KANK4: variants seen among roughly 807,000 people sequenced by gnomAD.
KANK4 encodes the protein KN motif and ankyrin repeat domains 4, also known as KN motif and ankyrin repeat domain-containing protein 4.
In KANK4, 50 loss-of-function variants were observed where a neutral mutation model predicts 80.8. That is an observed-to-expected ratio of 0.62 (90% CI 0.49 to 0.78). The LOEUF is 0.78. Among genes scored for constraint, KANK4 ranks in the 30% least tolerant of loss-of-function variants. KANK4 has a pLI of 0.00. For missense variants in KANK4, 1,196 were observed against 1,240.1 expected (o/e 0.96, Z 0.53); for synonymous variants, 465 against 506.9 (o/e 0.92, Z 1.11).
chr1:62,246,792 A>G (rs1207188378), intron 9 of KANK4, among the ~76,000 whole-genome samples: 2 of 148,922 alleles, frequency 1.3e-5, no homozygotes, highest in Non-Finnish European at 3.0e-5. Context: ...ACAGAGTTTC[A>G]TGTTGTTGCC....
At chr1:62,255,278 C>T (rs938971796) in intron 7 of KANK4, among the ~76,000 whole-genome samples, 1 of 152,158 alleles carries the variant, frequency 6.6e-6, no homozygotes, top group Non-Finnish European at 1.5e-5. Flanking sequence ...TATTCCTCCC[C>T]ACCTAAGGAG....
chr1:62,281,433 G>A, intron 2 of KANK4, 116 bp downstream of exon 2: 2 of 1,267,168 alleles, frequency 1.6e-6, no homozygotes, highest in East Asian at 2.3e-5. Context: ...AGCACTGCCT[G>A]TTTGAGGGAT....
chr1:62,291,175 A>T (rs1672671093), intron 1 of KANK4, among the ~76,000 whole-genome samples: 1 of 152,058 alleles, frequency 6.6e-6, no homozygotes, highest in Admixed American at 6.6e-5. Context: ...GCATTTCCCC[A>T]ATGACTAATT....
intron 1 of KANK4, among the ~76,000 whole-genome samples, chr1:62,314,485 G>T (rs935710575): frequency 2.0e-5 from 3 of 152,120 alleles, no homozygotes; most frequent in African/African-American, 7.2e-5. Context: ...GAGAGCTGGC[G>T]TCTCCGGGCT....
chr1:62,236,381 C>T lies in KANK4; in HGVS notation c.*1896G>A, dbSNP rs189379736. On this transcript the variant is annotated 3_prime_UTR_variant, in exon 10 of 10. Coordinates refer to ENST00000371153, the MANE Select transcript of KANK4 (RefSeq NM_181712.5). ...AGCACCGGGCTAGAACATTTATTAA[C>T]GTAGGATGTTGCTCTTACAATGTAT... Among the ~76,000 whole-genome samples the T allele has an allele frequency of 2.0e-4, 30 of 152,206 alleles. No homozygotes were observed. Among genetic ancestry groups the T allele is most frequent in the Admixed American group, 8.5e-4 (13 of 15,274 alleles).
chr1:62,242,361 CAAAAAAAAAAAAAAAAAA>C (rs57320794), intron 9 of KANK4, among the ~76,000 whole-genome samples: 2 of 66,136 alleles, frequency 3.0e-5, no homozygotes, highest in South Asian at 1.2e-3. Flanking sequence ...GACCATACCT[CAAAAAAAAAAAAAAAAAA>C]AAAAAAAAAA....
At chr1:62,251,449 G>T (rs1322825541) in intron 8 of KANK4, among the ~76,000 whole-genome samples, 7 of 152,304 alleles carry the variant, frequency 4.6e-5, no homozygotes, top group African/African-American at 1.7e-4. Context: ...GGAAAGGAGA[G>T]TTAAACATAC....
chr1:62,239,976 C>T (rs956496829), intron 9 of KANK4, among the ~76,000 whole-genome samples: 1 of 152,174 alleles, frequency 6.6e-6, no homozygotes, highest in African/African-American at 2.4e-5. Context: ...AATAAACATA[C>T]ATGTGCATGT....
chr1:62,273,759 C>T lies in KANK4; in HGVS notation c.1345G>A (p.Gly449Arg), dbSNP rs780741006. 18 of 1,614,038 alleles carry T rather than the reference C, an allele frequency of 1.1e-5. No individual in the cohort carries two copies. The African/African-American group carries it at 1.6e-4, about 14-fold the overall frequency. Reference sequence around the variant, plus strand: ...CCCCATAGGAGGCCATTCTCCTCTCCTCGGTGCCCCCAGCTTTCAGACTCC... The same window carrying T: ...CCCCATAGGAGGCCATTCTCCTCTCTTCGGTGCCCCCAGCTTTCAGACTCC... ...SMESESWGHR[G>R]EENGLLWGPD... Residue 449 changes from glycine (G) to arginine (R), a missense_variant, in exon 3 of 10, where the codon GGA becomes AGA. Around this residue, in one of 3 missense-constraint regions of KANK4, gnomAD observed 1,154 missense variants for 1,179.6 expected, o/e 0.98. Coordinates refer to ENST00000371153, the MANE Select transcript of KANK4 (RefSeq NM_181712.5).
intron 2 of KANK4, among the ~76,000 whole-genome samples, chr1:62,279,427 C>A (rs1024305090): frequency 3.3e-5 from 5 of 152,178 alleles, no homozygotes; most frequent in African/African-American, 7.2e-5. Context: ...GCTCAGAATT[C>A]CAGGCACTGG....
At chr1:62,293,062 TTGTGTGTGTGTGTGTGTGTG>T (rs5774593) in intron 1 of KANK4, among the ~76,000 whole-genome samples, 30,874 of 146,736 alleles carry the variant, frequency 0.21, 3,714 homozygotes, top group East Asian at 0.43. Flanking sequence ...GTCTCAATCT[TTGTGTGTGTGTGTGTGTGTG>T]TGTGTGTGTG....
At chr1:62,254,700 T>C (rs11207948) in intron 7 of KANK4, among the ~76,000 whole-genome samples, 36,160 of 148,278 alleles carry the variant, frequency 0.24, 4,889 homozygotes, top group Non-Finnish European at 0.3. Flanking sequence ...ACTACAGGCG[T>C]GCATCACCAC....
intron 1 of KANK4, among the ~76,000 whole-genome samples, chr1:62,305,542 C>A (rs1326629869): frequency 6.6e-6 from 1 of 152,066 alleles, no homozygotes; most frequent in African/African-American, 2.4e-5. Context: ...AACTCCTGAC[C>A]TAAGGTGATC....
At chr1:62,304,531 C>T (rs1008195792) in intron 1 of KANK4, among the ~76,000 whole-genome samples, 2 of 151,906 alleles carry the variant, frequency 1.3e-5, no homozygotes, top group Non-Finnish European at 2.9e-5. Flanking sequence ...CTGCACTGGG[C>T]CTTAACTTCC....
chr1:62,254,736 T>A lies in KANK4; in HGVS notation c.2540-1527A>T, dbSNP rs371582850. On this transcript the variant is annotated intron_variant, in intron 7 of 9. Transcript: ENST00000371153. Reference sequence around the variant, plus strand: ...GCTCAGCTGATTTTTTATTTTTTTTTAATGTATTTTTAGTAGAGATGGGAT... The same window carrying A: ...GCTCAGCTGATTTTTTATTTTTTTTAAATGTATTTTTAGTAGAGATGGGAT... 4.2e-4 allele frequency among the ~76,000 whole-genome samples: 64 copies of A among 151,390 alleles called. 1 individual carries two copies. The highest frequency in any genetic ancestry group is 3.1e-3 in the South Asian group (15 of 4,778).
In KANK4 at chr1:62,286,353, T is replaced by A. The variant is rs146677042; in HGVS notation, c.-70-4719A>T. Among the ~76,000 whole-genome samples the A allele has an allele frequency of 8.3e-4, 127 of 152,360 alleles. 1 individual carries two copies. The highest frequency in any genetic ancestry group is 3.0e-3 in the African/African-American group (123 of 41,584). ...GCTGTTAAAGGACTTGGTCAGGTAA[T>A]CCCTGACCTTGCTGGAAAAGCAAAT... On this transcript the variant is annotated intron_variant, in intron 1 of 9. Coordinates refer to ENST00000371153, the MANE Select transcript of KANK4 (RefSeq NM_181712.5).
At chr1:62,264,136 G>A (rs771060165) in intron 6 of KANK4, among the ~76,000 whole-genome samples, 10 of 152,204 alleles carry the variant, frequency 6.6e-5, no homozygotes, top group Non-Finnish European at 1.0e-4. Context: ...TCCCTGGCTC[G>A]GCCGGGCGCG....
chr1:62,294,565 T>C (rs1393323867), intron 1 of KANK4, among the ~76,000 whole-genome samples: 1 of 152,220 alleles, frequency 6.6e-6, no homozygotes, highest in Admixed American at 6.5e-5. Context: ...AGGAAGGTTT[T>C]TGTTGGCTCA....
chr1:62,263,479 T>C (rs1671943299), intron 6 of KANK4, 168 bp from the exon 7 acceptor site: 2 of 641,238 alleles, frequency 3.1e-6, no homozygotes, highest in East Asian at 5.7e-5. Flanking sequence ...TGCAGCAACA[T>C]ACTTTGTACT....
Sources: gnomAD v4.1 joint callset for allele counts (sites outside exome capture counted in the v4.1 genomes callset) on GRCh38, gnomAD v4.1.1 for gene constraint, gnomAD v4.1.1 regional missense constraint, MANE v1.5 for transcripts, NCBI Gene and HGNC (gene_info 2026-07-23, HGNC 2026-07-21) for gene names.